ZNF445: variants seen among roughly 807,000 people sequenced by gnomAD.
ZNF445 encodes the protein zinc finger protein 168.
A neutral mutation model predicts 93.9 loss-of-function variants in ZNF445; 19 were observed. The ratio of observed to expected loss-of-function variants is 0.20; its 90% CI spans 0.14 to 0.30. ZNF445 has a LOEUF of 0.30. Among genes scored for constraint, ZNF445 ranks in the 10% least tolerant of loss-of-function variants. The pLI, the probability that ZNF445 is intolerant of heterozygous loss-of-function variation, is 1.00. For missense variants in ZNF445, 1,058 were observed against 1,259.4 expected (o/e 0.84, Z 2.42); for synonymous variants, 449 against 446.3 (o/e 1.01, Z -0.08).
chr3:44,437,428 CT>C lies in ZNF445; in HGVS notation c.*9146del, dbSNP rs1277475233. The C allele has an allele frequency of 1.3e-5, 2 of 151,566 alleles. No homozygotes were observed. Among genetic ancestry groups the C allele is most frequent in the South Asian group, 4.2e-4 (2 of 4,796 alleles). 9.4% of individuals were successfully genotyped at this position (151,566 alleles called of 1,614,324 possible). A position where few individuals can be genotyped will look rare whatever the true frequency, so the allele number is the denominator to read the frequency against. On this transcript the variant is annotated 3_prime_UTR_variant, in exon 8 of 8. Coordinates refer to ENST00000396077, the MANE Select transcript of ZNF445 (RefSeq NM_181489.6). ...CAGGAAAGGGGTCCCGATCCAGACT[CT>C]TAAGAGAGTTCTTGGATCTCGTGCA... is the stretch of plus-strand genomic sequence containing the variant.
At chr3:44,473,453 T>TCACACACACA (rs377305681) in intron 1 of ZNF445, among the ~76,000 whole-genome samples, 56 of 60,860 alleles carry the variant, frequency 9.2e-4, no homozygotes, top group African/African-American at 3.5e-3. Flanking sequence ...AAACTCCACT[T>TCACACACACA]CACACACACA....
At chr3:44,455,917 C>A (rs1698023529) in intron 2 of ZNF445, among the ~76,000 whole-genome samples, 1 of 151,984 alleles carries the variant, frequency 6.6e-6, no homozygotes, top group African/African-American at 2.4e-5. Flanking sequence ...GTAAAAAACA[C>A]AAAGGGATGA....
At chr3:44,449,668 C>A (rs780077320) in intron 6 of ZNF445, 45 bp from the exon 7 acceptor site, 7 of 1,491,952 alleles carry the variant, frequency 4.7e-6, no homozygotes, top group Middle Eastern at 1.7e-4. Context: ...ATGGATGACA[C>A]AGAACTACTC....
At chr3:44,451,740 C>T (rs1266336163) in intron 3 of ZNF445, among the ~76,000 whole-genome samples, 1 of 152,112 alleles carries the variant, frequency 6.6e-6, no homozygotes, top group African/African-American at 2.4e-5. Context: ...CAAGGAAGCA[C>T]ATGGTAACTC....
In ZNF445 at chr3:44,438,232, T is replaced by C. The variant is rs932848095; in HGVS notation, c.*8343A>G. On this transcript the variant is annotated 3_prime_UTR_variant, in exon 8 of 8. Transcript: ENST00000396077. ...TGGAGTGCAGTTGTGCGATCTCGGC[T>C]CACTGCAACTTCCACCTCCTGGGTT... is the stretch of plus-strand genomic sequence containing the variant. 2 of 151,944 alleles carry C rather than the reference T, an allele frequency of 1.3e-5. No individual in the cohort carries two copies. The highest frequency in any genetic ancestry group is 4.8e-5 in the African/African-American group (2 of 41,366). The allele number at this position is 151,944 out of a possible 1,614,324, so 9.4% of individuals were successfully genotyped here. A position where few individuals can be genotyped will look rare whatever the true frequency, so the allele number is the denominator to read the frequency against.
intron 1 of ZNF445, among the ~76,000 whole-genome samples, chr3:44,469,444 C>A (rs17076750): frequency 0.012 from 1,841 of 152,276 alleles, 32 homozygotes; most frequent in African/African-American, 0.042. Context: ...TAGGAACATG[C>A]ATGACGGCTG....
intron 1 of ZNF445, among the ~76,000 whole-genome samples, chr3:44,473,490 C>CACACACACACACAA (rs774842477): frequency 1.2e-3 from 68 of 57,002 alleles, no homozygotes; most frequent in Admixed American, 3.2e-3. Flanking sequence ...CACACACACA[C>CACACACACACACAA]AAAAAATGCT....
chr3:44,476,794 C>T lies in ZNF445; in HGVS notation c.-269+797G>A, dbSNP rs564995830. Among the ~76,000 whole-genome samples the T allele has an allele frequency of 2.0e-5, 3 of 152,236 alleles. No homozygotes were observed. In the East Asian group the frequency reaches 5.8e-4, roughly 29 times the overall value. On this transcript the variant is annotated intron_variant, in intron 1 of 7. Coordinates refer to ENST00000396077, the MANE Select transcript of ZNF445 (RefSeq NM_181489.6). Reference sequence around the variant, plus strand: ...TCATTGTGAAAGATAACCACCCTGACAAACAAGATTTTGCTATTTTTCTGC... The same window carrying T: ...TCATTGTGAAAGATAACCACCCTGATAAACAAGATTTTGCTATTTTTCTGC...
rs985508840 is a variant in ZNF445 at position 44,438,931 on chromosome 3, TG to T, written c.*7643del. On this transcript the variant is annotated 3_prime_UTR_variant, in exon 8 of 8. Transcript: ENST00000396077. ...TACCTAATGCTAGATGATGAGTTAG[TG>T]GGTGCAGCGCACCAGCATGGCACAT... 28 of 141,714 alleles carry T rather than the reference TG, an allele frequency of 2.0e-4. No individual in the cohort carries two copies. The highest frequency in any genetic ancestry group is 4.7e-4 in the African/African-American group (18 of 38,494). 8.8% of individuals were successfully genotyped at this position (141,714 alleles called of 1,614,324 possible).
chr3:44,459,602 G>C (rs1444051613), intron 1 of ZNF445, among the ~76,000 whole-genome samples: 1 of 152,156 alleles, frequency 6.6e-6, no homozygotes, highest in Non-Finnish European at 1.5e-5. Flanking sequence ...TGATATTAAG[G>C]CTTACTATAA....
At chr3:44,468,132 C>T (rs562269116) in intron 1 of ZNF445, among the ~76,000 whole-genome samples, 310 of 152,316 alleles carry the variant, frequency 2.0e-3, no homozygotes, top group African/African-American at 7.1e-3. Context: ...ACTCTTCTCA[C>T]GCTGGGGTTC....
chr3:44,465,100 T>A (rs764477425), intron 1 of ZNF445, among the ~76,000 whole-genome samples: 2 of 150,358 alleles, frequency 1.3e-5, no homozygotes, highest in Non-Finnish European at 3.0e-5. Flanking sequence ...CGCTTACTTA[T>A]CAGGTTTTTC....
rs1697819156 is a variant in ZNF445, at chr3:44,442,066, A to C, written c.*4509T>G. The C allele has an allele frequency of 6.6e-6, 1 of 152,160 alleles. No homozygotes were observed. Among genetic ancestry groups the C allele is most frequent in the African/African-American group, 2.4e-5 (1 of 41,418 alleles). 9.4% of individuals were successfully genotyped at this position (152,160 alleles called of 1,614,324 possible). On this transcript the variant is annotated 3_prime_UTR_variant, in exon 8 of 8. Coordinates refer to ENST00000396077, the MANE Select transcript of ZNF445 (RefSeq NM_181489.6). ...ATCCCATTTTACAGAAAAAGTGAAA[A>C]ACAAGTTGAAGTAACGTGCCCACAG...
chr3:44,440,632 A>G lies in ZNF445; in HGVS notation c.*5943T>C, dbSNP rs1328958792. On this transcript the variant is annotated 3_prime_UTR_variant, in exon 8 of 8. Coordinates refer to ENST00000396077, the MANE Select transcript of ZNF445 (RefSeq NM_181489.6). ...GAAAGCGGTCGTGATCCAGTCCCCA[A>G]GAGAGAGTTCTTGGACCTTGCTCAA... 1 of 152,218 alleles carries G rather than the reference A, an allele frequency of 6.6e-6. No homozygotes were observed. The highest frequency in any genetic ancestry group is 1.5e-5 in the Non-Finnish European group (1 of 68,034). 9.4% of individuals were successfully genotyped at this position (152,218 alleles called of 1,614,324 possible). A position where few individuals can be genotyped will look rare whatever the true frequency, so the allele number is the denominator to read the frequency against.
intron 2 of ZNF445, 62 bp downstream of exon 2, chr3:44,458,182 A>G (rs1350893890): frequency 6.6e-6 from 1 of 152,136 alleles, no homozygotes; most frequent in African/African-American, 2.4e-5. Flanking sequence ...CATCCTGGTC[A>G]ACATGATGAA....
chr3:44,476,125 T>G (rs1314854358), intron 1 of ZNF445, among the ~76,000 whole-genome samples: 1 of 152,254 alleles, frequency 6.6e-6, no homozygotes, highest in South Asian at 2.1e-4. Flanking sequence ...CACAGAAATG[T>G]ACTCTTTCAC....
At chr3:44,451,027 T>TC (rs1559393579) in intron 4 of ZNF445, 65 bp from the exon 5 acceptor site, 3 of 1,351,466 alleles carry the variant, frequency 2.2e-6, no homozygotes, top group African/African-American at 1.5e-5. Flanking sequence ...AGCCCACTCT[T>TC]CCCCCCAGTA....
chr3:44,454,611 GA>G (rs1698001805), intron 3 of ZNF445, among the ~76,000 whole-genome samples: 2 of 152,074 alleles, frequency 1.3e-5, no homozygotes, highest in Non-Finnish European at 2.9e-5. Context: ...AATTTTTGTA[GA>G]AACAGGGTTT....
rs951202187 is a variant in ZNF445, at chr3:44,447,402, A to G, written c.2269T>C (p.Ser757Pro). The G allele has an allele frequency of 6.2e-7, 1 of 1,613,952 alleles. No individual in the cohort carries two copies. The highest frequency in any genetic ancestry group is 8.5e-7 in the Non-Finnish European group (1 of 1,180,010). ...CTGCATTTGTAGGGCTCCTCTTTGG[A>G]GTGACTGCTCTGAGGAACCTGGAAC... The part of the protein sequence containing the change: ...TVFQVPQSSH[S>P]KEEPYKCSQC... The change falls in exon 8 of 8, where the codon TCC becomes CCC. Residue 757 changes from serine (S) to proline (P), a missense_variant. Physicochemically the swap from Ser to Pro is moderately conservative, Grantham distance 74 (BLOSUM62 -1). Coordinates refer to ENST00000396077, the MANE Select transcript of ZNF445 (RefSeq NM_181489.6). This position sits in a 1 kb window ranked among gnomAD's most constrained non-coding sequence, Gnocchi z 4.7.
Sources: gnomAD v4.1 joint callset for allele counts (sites outside exome capture counted in the v4.1 genomes callset) on GRCh38, gnomAD v4.1.1 for gene constraint, Gnocchi (gnomAD v3.1) non-coding constraint, MANE v1.5 for transcripts, NCBI Gene and HGNC (gene_info 2026-07-23, HGNC 2026-07-21) for gene names.